Variants in NAALADL2 observed in about 807,000 individuals in gnomAD.
The protein encoded by NAALADL2 is inactive N-acetylated-alpha-linked acidic dipeptidase-like protein 2.
Under a neutral mutation model 87.2 loss-of-function variants are expected in NAALADL2, and 76 were observed. The ratio of observed to expected loss-of-function variants is 0.87; its 90% CI spans 0.72 to 1.05. The LOEUF is 1.05. Among genes scored for constraint, NAALADL2 ranks in the 50% least tolerant of loss-of-function variants. The pLI, the probability that NAALADL2 is intolerant of heterozygous loss-of-function variation, is 0.00. For synonymous variants in NAALADL2, 354 were observed against 331.0 expected, an observed-to-expected ratio of 1.07 and a Z score of -0.75; for missense variants, 1,089 against 945.8, an observed-to-expected ratio of 1.15 and a Z score of -1.99.
chr3:174,702,226 A>G (rs1010991745), intron 2 of NAALADL2, among the ~76,000 whole-genome samples: 2 of 152,182 alleles, frequency 1.3e-5, no homozygotes, highest in Non-Finnish European at 2.9e-5. Context: ...TTCTATGGTT[A>G]AACATTTGTT....
intron 2 of NAALADL2, among the ~76,000 whole-genome samples, chr3:175,145,502 G>C (rs1181984915): frequency 2.6e-5 from 4 of 152,030 alleles, no homozygotes; most frequent in Admixed American, 6.6e-5. Flanking sequence ...AAACTTATCG[G>C]AAAGAAAATG....
At chr3:175,722,170 A>G (rs1742327763) in intron 11 of NAALADL2, among the ~76,000 whole-genome samples, 2 of 152,002 alleles carry the variant, frequency 1.3e-5, no homozygotes, top group Non-Finnish European at 2.9e-5. Flanking sequence ...TCAACTTTCA[A>G]CCCCTATATT....
intron 2 of NAALADL2, among the ~76,000 whole-genome samples, chr3:175,203,403 C>T (rs1560159666): frequency 6.6e-6 from 1 of 152,134 alleles, no homozygotes; most frequent in Non-Finnish European, 1.5e-5. Flanking sequence ...CACAAACAGA[C>T]CTTCAGTTAT....
At chr3:174,681,602 C>T (rs529849868) in intron 2 of NAALADL2, among the ~76,000 whole-genome samples, 3 of 152,268 alleles carry the variant, frequency 2.0e-5, no homozygotes, top group East Asian at 1.9e-4. Flanking sequence ...AAGGGGACCT[C>T]CTACCTTAAA....
chr3:175,078,476 G>T (rs1402391367), intron 1 of NAALADL2, among the ~76,000 whole-genome samples: 1 of 152,048 alleles, frequency 6.6e-6, no homozygotes, highest in Non-Finnish European at 1.5e-5. Flanking sequence ...CAATTTGATG[G>T]TTTTTAATTT....
At chr3:175,158,799 G>C (rs528977762) in intron 2 of NAALADL2, among the ~76,000 whole-genome samples, 1 of 152,084 alleles carries the variant, frequency 6.6e-6, no homozygotes, top group African/African-American at 2.4e-5. Flanking sequence ...TCTTGAAATT[G>C]TCAGAAAATA....
chr3:174,847,109 C>G (rs1251489846), intron 3 of NAALADL2, among the ~76,000 whole-genome samples: 1 of 152,090 alleles, frequency 6.6e-6, no homozygotes, highest in Non-Finnish European at 1.5e-5. Context: ...CACTGAGATC[C>G]AGAAGAGAGA....
Position 175,384,378 on chromosome 3 carries a change from T to G in NAALADL2, c.1090+60053T>G, listed in dbSNP as rs114362862. 4.0e-3 allele frequency among the ~76,000 whole-genome samples: 614 copies of G among 152,210 alleles called. 2 individuals are homozygous for G. Among genetic ancestry groups the G allele is most frequent in the African/African-American group, 0.014 (597 of 41,572 alleles). ...CATTTGAGGACTTTTCTTGGAATGT[T>G]ATATTGGAAAATTTGAACAGTGCAC... On this transcript the variant is annotated intron_variant, in intron 5 of 13. Transcript: ENST00000454872.
chr3:175,097,406 C>T (rs1721346922), intron 2 of NAALADL2, 115 bp downstream of exon 2: 8 of 890,808 alleles, frequency 9.0e-6, no homozygotes, highest in Non-Finnish European at 1.4e-5. Context: ...AGCTGAGAAA[C>T]ATATCACCAC....
At chr3:175,574,206 A>G (rs1718524205) in intron 9 of NAALADL2, among the ~76,000 whole-genome samples, 1 of 152,178 alleles carries the variant, frequency 6.6e-6, no homozygotes, top group Non-Finnish European at 1.5e-5. Context: ...TGGTGATCTG[A>G]AAAGGAAAAG....
chr3:174,475,724 G>T (rs1351565250), intron 1 of NAALADL2, among the ~76,000 whole-genome samples: 1 of 151,934 alleles, frequency 6.6e-6, no homozygotes, highest in Non-Finnish European at 1.5e-5. Context: ...AATAAAACAC[G>T]ACTTCTTCCT....
chr3:175,541,249 C>T (rs1712268806), intron 9 of NAALADL2, among the ~76,000 whole-genome samples: 1 of 152,158 alleles, frequency 6.6e-6, no homozygotes, highest in Admixed American at 6.5e-5. Flanking sequence ...TTACTTCTTC[C>T]TACTCTCCAA....
At chr3:175,520,352 G>A (rs1041372982) in intron 9 of NAALADL2, among the ~76,000 whole-genome samples, 4 of 143,938 alleles carry the variant, frequency 2.8e-5, no homozygotes, top group African/African-American at 5.3e-5. Context: ...ACTGCGGACT[G>A]CAGTGGTGCA....
At chr3:175,135,220 G>A (rs369155914) in intron 2 of NAALADL2, among the ~76,000 whole-genome samples, 12 of 152,146 alleles carry the variant, frequency 7.9e-5, no homozygotes, top group Admixed American at 2.6e-4. Context: ...GTTAATTCTC[G>A]GTTAATGTGA....
intron 2 of NAALADL2, among the ~76,000 whole-genome samples, chr3:175,212,175 C>A (rs560407213): frequency 2.5e-4 from 38 of 151,984 alleles, no homozygotes; most frequent in Non-Finnish European, 5.0e-4. Context: ...GTTCTTATTA[C>A]CTTTAGTAAT....
intron 4 of NAALADL2, among the ~76,000 whole-genome samples, chr3:175,296,634 GA>G (rs1283757604): frequency 3.3e-5 from 5 of 152,112 alleles, no homozygotes; most frequent in African/African-American, 1.2e-4. Flanking sequence ...ATAGATTTAT[GA>G]AGAGAAATCT....
At chr3:174,664,853 G>C (rs1393183776) in intron 2 of NAALADL2, among the ~76,000 whole-genome samples, 1 of 152,126 alleles carries the variant, frequency 6.6e-6, no homozygotes, top group Non-Finnish European at 1.5e-5. Flanking sequence ...AATTTTTCAG[G>C]CTTCCTGAAG....
At chr3:175,464,307 G>A (rs1723642261) in intron 7 of NAALADL2, among the ~76,000 whole-genome samples, 1 of 151,802 alleles carries the variant, frequency 6.6e-6, no homozygotes, top group Admixed American at 6.6e-5. Context: ...ATGGTCACCT[G>A]CAGCTACTCA....
chr3:175,209,792 A>G (rs1043044517), intron 2 of NAALADL2, among the ~76,000 whole-genome samples: 4 of 151,846 alleles, frequency 2.6e-5, no homozygotes, highest in African/African-American at 9.7e-5. Context: ...TCATTTAAAG[A>G]CCTTGAGAAC....
Sources: allele counts gnomAD v4.1 joint callset (sites outside exome capture counted in the v4.1 genomes callset), GRCh38; gene constraint gnomAD v4.1.1; transcripts MANE v1.5; gene names NCBI Gene and HGNC (gene_info 2026-07-23, HGNC 2026-07-21).